The following SCN9A variants were observed in gnomAD, a reference collection of about 807,000 sequenced individuals.
The protein encoded by SCN9A is sodium voltage-gated channel alpha subunit 9, also known as sodium channel protein type 9 subunit alpha.
Under a neutral mutation model 187.0 loss-of-function variants are expected in SCN9A, and 131 were observed. The observed-to-expected ratio is 0.70, with a 90% CI of 0.61 to 0.81. SCN9A has a LOEUF of 0.81. SCN9A is among the 30% of genes least tolerant of loss of function. The pLI is 0.00. For missense variants in SCN9A, 2,252 were observed against 2,396.6 expected (o/e 0.94, Z 1.26); for synonymous variants, 809 against 808.6 (o/e 1.00, Z -0.01).
At chr2:166,213,459 C>T (rs964663777) in intron 24 of SCN9A, among the ~76,000 whole-genome samples, 150 of 140,948 alleles carry the variant, frequency 1.1e-3, no homozygotes, top group African/African-American at 3.5e-3. Context: ...CAAATTGAAC[C>T]AATAATAATA....
rs1190534205 is a variant in SCN9A, at chr2:166,251,901, C to T, written c.3352-16G>A. 3.1e-6 allele frequency: 5 copies of T among 1,611,242 alleles called. No homozygotes were observed. In the South Asian group the frequency reaches 3.3e-5, roughly 11 times the overall value. ...GGTTTAATCTCTAGAAAGGAATTCACCACCCCACCAGGTAGTTCATTTAGA... is the reference window on the plus strand; with the variant it reads ...GGTTTAATCTCTAGAAAGGAATTCATCACCCCACCAGGTAGTTCATTTAGA... On this transcript the variant is annotated splice_polypyrimidine_tract_variant and intron_variant, in intron 17 of 26. Transcript: ENST00000642356.
intron 10 of SCN9A, 48 bp from the exon 11 acceptor site, chr2:166,286,671 T>G (rs1697762785): frequency 7.0e-7 from 1 of 1,418,848 alleles, no homozygotes; most frequent in Non-Finnish European, 9.3e-7. Flanking sequence ...TTCCAAATCC[T>G]AGGAAACCCT....
chr2:166,275,934 G>C (rs1436440996), intron 16 of SCN9A, among the ~76,000 whole-genome samples: 1 of 152,080 alleles, frequency 6.6e-6, no homozygotes, highest in Non-Finnish European at 1.5e-5. Flanking sequence ...CAATATTTTA[G>C]TAATTTTTTT....
Position 166,198,895 on chromosome 2 carries a change from A to G in SCN9A, c.5744T>C (p.Ile1915Thr). 1.2e-6 allele frequency: 2 copies of G among 1,613,594 alleles called. No homozygotes were observed. Among genetic ancestry groups the G allele is most frequent in the Middle Eastern group, 1.7e-4 (1 of 6,044 alleles). The change falls in exon 27 of 27, where the codon ATA becomes ACA. Residue 1915 changes from isoleucine (I) to threonine (T), a missense_variant. This residue lies in a region of SCN9A where 345 missense variants were observed against 344.6 expected (regional missense o/e 1.00). Coordinates refer to ENST00000642356, the MANE Select transcript of SCN9A (RefSeq NM_001365536.1). ...ATCTCTGTCTCCATCTTTTATGTAT[A>G]TACTTGATATATTTTTGACATTTTG... ...LRQNVKNISS[I>T]YIKDGDRDDD...
chr2:166,266,026 A>G (rs1413664053), intron 17 of SCN9A, among the ~76,000 whole-genome samples: 1 of 151,690 alleles, frequency 6.6e-6, no homozygotes, highest in Non-Finnish European at 1.5e-5. Flanking sequence ...TCTTCACTCT[A>G]TTGATTGTTT....
intron 24 of SCN9A, among the ~76,000 whole-genome samples, chr2:166,208,992 T>A (rs1693951665): frequency 6.6e-6 from 1 of 152,202 alleles, no homozygotes; most frequent in African/African-American, 2.4e-5. Context: ...TGTGCTGCAC[T>A]AGGGTCCAGT....
At chr2:166,244,171 T>TG (rs1695686711) in intron 18 of SCN9A, among the ~76,000 whole-genome samples, 1 of 151,952 alleles carries the variant, frequency 6.6e-6, no homozygotes, top group Non-Finnish European at 1.5e-5. Flanking sequence ...ATTTTAAAAA[T>TG]GGGGGTGGGA....
At chr2:166,363,585 C>T (rs758555473) in intron 1 of SCN9A, among the ~76,000 whole-genome samples, 7 of 151,882 alleles carry the variant, frequency 4.6e-5, no homozygotes, top group Non-Finnish European at 8.8e-5. Flanking sequence ...ATGGAAGGCA[C>T]ATGTTCAGAG....
intron 1 of SCN9A, among the ~76,000 whole-genome samples, chr2:166,326,351 C>T (rs901970015): frequency 6.6e-6 from 1 of 152,116 alleles, no homozygotes; most frequent in Non-Finnish European, 1.5e-5. Context: ...ATATCCATTC[C>T]TATGTGCTCC....
At chr2:166,374,283 C>T (rs1700633767) in intron 1 of SCN9A, among the ~76,000 whole-genome samples, 1 of 152,166 alleles carries the variant, frequency 6.6e-6, no homozygotes, top group Non-Finnish European at 1.5e-5. Context: ...CTTAAGGAAA[C>T]CTCCTTTTAA....
rs1693384719 is a variant in SCN9A at position 166,199,648 on chromosome 2, G to T, written c.4991C>A (p.Ser1664Tyr). 1 of 1,613,974 alleles carries T rather than the reference G, an allele frequency of 6.2e-7. No individual in the cohort carries two copies. The highest frequency in any genetic ancestry group is 1.3e-5 in the African/African-American group (1 of 74,882). The change falls in exon 27 of 27, where the codon TCC becomes TAC. Residue 1664 changes from serine to tyrosine, a missense_variant. By Grantham distance (144) the Ser-to-Tyr change is moderately radical (BLOSUM62 -2). This residue lies in a region of SCN9A where 84 missense variants were observed against 134.2 expected (regional missense o/e 0.63). Transcript: ENST00000642356. ...TTCCTTTTTAACATAGGCAAAGTTG[G>T]ACATTCCAAAGATGGCGTAGATGAA... is the stretch of plus-strand genomic sequence containing the variant. ...VMFIYAIFGM[S>Y]NFAYVKKEDG... is the part of the protein sequence containing the mutation.
rs1697630315 is a variant in SCN9A at position 166,284,352 on chromosome 2, G to T, written c.1974+101C>A. ...TCCTATAGAAAAAGTATTGCAAAAT[G>T]CAGAGCCATTCACAAGACCAGAGAA... On this transcript the variant is annotated intron_variant, in intron 12 of 26. Transcript: ENST00000642356. 6.6e-6 allele frequency: 9 copies of T among 1,357,470 alleles called. No homozygotes were observed. In the Admixed American group the frequency reaches 1.2e-4, roughly 18 times the overall value. 84.1% of individuals were successfully genotyped at this position (1,357,470 alleles called of 1,614,324 possible). A position where few individuals can be genotyped will look rare whatever the true frequency, so the allele number is the denominator to read the frequency against.
At chr2:166,351,748 C>A (rs1283526059) in intron 1 of SCN9A, among the ~76,000 whole-genome samples, 4 of 152,128 alleles carry the variant, frequency 2.6e-5, no homozygotes, top group African/African-American at 7.2e-5. Context: ...ATATGGCTAA[C>A]TTTAATTACT....
chr2:166,281,137 C>T (rs999412993), intron 13 of SCN9A, among the ~76,000 whole-genome samples: 3 of 152,098 alleles, frequency 2.0e-5, no homozygotes, highest in East Asian at 1.9e-4. Context: ...TGAGTAGACA[C>T]TTTGCCCCCA....
chr2:166,282,419 TC>T (rs2106479568), intron 12 of SCN9A, among the ~76,000 whole-genome samples: 1 of 152,294 alleles, frequency 6.6e-6, no homozygotes, highest in Non-Finnish European at 1.5e-5. Flanking sequence ...AGAGGTGACC[TC>T]TCTTCAGCTC....
At chr2:166,279,066 A>G (rs1296310305) in intron 14 of SCN9A, among the ~76,000 whole-genome samples, 1 of 152,150 alleles carries the variant, frequency 6.6e-6, no homozygotes, top group East Asian at 1.9e-4. Context: ...GGTTGTGGTA[A>G]TAGCTGTGAC....
rs1370145391 is a variant in SCN9A at position 166,293,189 on chromosome 2, AT to A, written c.1107+41del. 2.3e-5 allele frequency: 35 copies of A among 1,544,428 alleles called. No individual in the cohort carries two copies. The Admixed American group carries it at 6.8e-4, about 30-fold the overall frequency. ...GGCTCTTAACATACACCAGGTACAT[AT>A]GCCATTCAAAAATACAATGCATGTT... On this transcript the variant is annotated intron_variant, in intron 9 of 26. Coordinates refer to ENST00000642356, the MANE Select transcript of SCN9A (RefSeq NM_001365536.1).
chr2:166,307,242 T>C (rs909103768), intron 2 of SCN9A, among the ~76,000 whole-genome samples, 168 bp from the exon 3 acceptor site: 2 of 152,212 alleles, frequency 1.3e-5, no homozygotes, highest in Non-Finnish European at 2.9e-5. Flanking sequence ...AATGTCACCT[T>C]GGCCAATGAA....
intron 24 of SCN9A, 23 bp downstream of exon 24, chr2:166,226,544 T>G: frequency 6.7e-7 from 1 of 1,481,866 alleles, no homozygotes; most frequent in Non-Finnish European, 9.2e-7. Flanking sequence ...TTCATTACAA[T>G]GAAAAATATT....
Sources: gnomAD v4.1 joint callset for allele counts (sites outside exome capture counted in the v4.1 genomes callset) on GRCh38, gnomAD v4.1.1 for gene constraint, gnomAD v4.1.1 regional missense constraint, MANE v1.5 for transcripts, NCBI Gene and HGNC (gene_info 2026-07-23, HGNC 2026-07-21) for gene names.